Variants in SLC22A16 observed in about 807,000 individuals in gnomAD.
SLC22A16 encodes solute carrier family 22 member 16.
Under a neutral mutation model 52.9 loss-of-function variants are expected in SLC22A16, and 53 were observed. The observed-to-expected ratio is 1.00, with a 90% CI of 0.80 to 1.26. The LOEUF (loss-of-function observed/expected upper bound fraction) is 1.26. SLC22A16 is among the 50% of genes most tolerant of loss of function. The probability of loss-of-function intolerance (pLI) is 0.00; values close to 1 mark genes in which losing one functional copy is unlikely to be tolerated. For synonymous variants in SLC22A16, 291 were observed against 268.8 expected, an observed-to-expected ratio of 1.08 and a Z score of -0.81; for missense variants, 726 against 704.0, an observed-to-expected ratio of 1.03 and a Z score of -0.35.
At chr6:110,446,457 A>T (rs1775174392) in intron 3 of SLC22A16, among the ~76,000 whole-genome samples, 2 of 152,122 alleles carry the variant, frequency 1.3e-5, no homozygotes, top group Admixed American at 1.3e-4. Flanking sequence ...TTTCCACTAA[A>T]CTGCCGTTCC....
At chr6:110,434,172 A>G (rs903011376) in intron 6 of SLC22A16, among the ~76,000 whole-genome samples, 2 of 152,070 alleles carry the variant, frequency 1.3e-5, no homozygotes, top group African/African-American at 4.8e-5. Flanking sequence ...CCTGGGAGGT[A>G]AGGTTGCAGT....
intron 4 of SLC22A16, among the ~76,000 whole-genome samples, chr6:110,441,490 G>A (rs778181299): frequency 6.6e-6 from 1 of 152,206 alleles, no homozygotes; most frequent in Admixed American, 6.5e-5. Context: ...GTTACCAAGG[G>A]GGGCCATGGT....
intron 1 of SLC22A16, among the ~76,000 whole-genome samples, chr6:110,461,418 G>A (rs1331428553): frequency 2.0e-5 from 3 of 152,164 alleles, no homozygotes; most frequent in Admixed American, 6.5e-5. Context: ...GCCCCCTGCT[G>A]GCCCCTACCC....
At chr6:110,463,983 C>T (rs1582584082) in intron 1 of SLC22A16, among the ~76,000 whole-genome samples, 1 of 149,736 alleles carries the variant, frequency 6.7e-6, no homozygotes, top group Admixed American at 6.6e-5. Context: ...GAAATCAATA[C>T]CAAGAGAAAC....
intron 7 of SLC22A16, among the ~76,000 whole-genome samples, chr6:110,425,771 C>T (rs1774236052): frequency 6.6e-6 from 1 of 152,232 alleles, no homozygotes; most frequent in Non-Finnish European, 1.5e-5. Flanking sequence ...ATGCAGGTCA[C>T]ATTAAAAATT....
intron 1 of SLC22A16, among the ~76,000 whole-genome samples, chr6:110,458,229 T>C (rs1167479028): frequency 1.3e-5 from 2 of 152,164 alleles, no homozygotes; most frequent in African/African-American, 2.4e-5. Context: ...CACGTGACCT[T>C]ACCTATCATT....
At chr6:110,471,833 T>G (rs749813540) in intron 1 of SLC22A16, among the ~76,000 whole-genome samples, 2 of 152,170 alleles carry the variant, frequency 1.3e-5, no homozygotes, top group Non-Finnish European at 1.5e-5. Context: ...ATATATCAAT[T>G]TAAAAGTTTT....
intron 3 of SLC22A16, among the ~76,000 whole-genome samples, 172 bp from the exon 4 acceptor site, chr6:110,442,947 A>G (rs1775035099): frequency 6.6e-6 from 1 of 152,116 alleles, no homozygotes. Flanking sequence ...TTTTTTTCTT[A>G]TAGGTCCTTT....
At position 110,476,587 on chromosome 6, in the gene SLC22A16, C is replaced by T. The variant is rs1474558255; in HGVS notation, c.-13G>A. ...GGCGGGACCCCATGGTGCGGCCGTG[C>T]ACTGGGCGCCGAGTTAGCCGAGCTC... On this transcript the variant is annotated 5_prime_UTR_variant, in exon 1 of 8. Coordinates refer to ENST00000368919, the MANE Select transcript of SLC22A16 (RefSeq NM_033125.4). The T allele has an allele frequency of 6.5e-7, 1 of 1,526,846 alleles. No homozygotes were observed. The highest frequency in any genetic ancestry group is 1.4e-5 in the African/African-American group (1 of 69,650). 94.6% of individuals were successfully genotyped at this position (1,526,846 alleles called of 1,614,324 possible).
chr6:110,450,105 G>A (rs1775317159), intron 2 of SLC22A16, among the ~76,000 whole-genome samples: 1 of 151,992 alleles, frequency 6.6e-6, no homozygotes, highest in African/African-American at 2.4e-5. Flanking sequence ...TGGGGATGCT[G>A]GCCTGGGCTC....
At chr6:110,430,309 T>C (rs1213069642) in intron 7 of SLC22A16, among the ~76,000 whole-genome samples, 2 of 151,952 alleles carry the variant, frequency 1.3e-5, no homozygotes, top group Non-Finnish European at 2.9e-5. Flanking sequence ...CAGTTCTACT[T>C]GGGAGACATT....
intron 2 of SLC22A16, among the ~76,000 whole-genome samples, chr6:110,450,192 G>C (rs912182665): frequency 3.4e-5 from 4 of 117,862 alleles, no homozygotes; most frequent in African/African-American, 9.4e-5. Flanking sequence ...AAAAAAGGAG[G>C]GGGGGGCACA....
rs1775008394 is a variant in SLC22A16 at position 110,442,483 on chromosome 6, T to C, written c.944A>G (p.Asn315Ser). The change falls in exon 4 of 8, where the codon AAC becomes AGC. Residue 315 changes from asparagine (N) to serine (S), a missense_variant. Transcript: ENST00000368919. The stretch of plus-strand genomic sequence containing the variant: ...TGACAGTTTACAGGAGCTTGCCCTG[T>C]TCCACTTGGCCATGATGTCAACTAT... ...QKIVDIMAKW[N>S]RASSCKLSEL... The C allele has an allele frequency of 6.2e-7, 1 of 1,614,240 alleles. No homozygotes were observed. The highest frequency in any genetic ancestry group is 1.7e-5 in the Admixed American group (1 of 60,026).
intron 6 of SLC22A16, among the ~76,000 whole-genome samples, chr6:110,434,100 C>T (rs1774618557): frequency 1.3e-5 from 2 of 151,992 alleles, no homozygotes; most frequent in Non-Finnish European, 2.9e-5. Context: ...ATTAGCCGGG[C>T]ATGGTGGTGC....
rs376226084 is a variant in SLC22A16 at position 110,435,896 on chromosome 6, G to A, written c.1377C>T (p.Gly459=). ...GCTCAGCTGTATAAAGATAAATGAGGCCAAATGCTGCCCCGATGGCAAATT... is the reference window on the plus strand; with the variant it reads ...GCTCAGCTGTATAAAGATAAATGAGACCAAATGCTGCCCCGATGGCAAATT... ...VGKFAIGAAF[G]LIYLYTAELY... is the part of the protein sequence containing the mutation. Residue 459 remains glycine, a synonymous_variant, in exon 6 of 8, where the codon GGC becomes GGT. Coordinates refer to ENST00000368919, the MANE Select transcript of SLC22A16 (RefSeq NM_033125.4). The A allele has an allele frequency of 1.2e-6, 2 of 1,613,872 alleles. No individual in the cohort carries two copies. The highest frequency in any genetic ancestry group is 1.7e-5 in the Admixed American group (1 of 60,012).
At chr6:110,460,720 C>A (rs1382577583) in intron 1 of SLC22A16, among the ~76,000 whole-genome samples, 1 of 152,174 alleles carries the variant, frequency 6.6e-6, no homozygotes, top group African/African-American at 2.4e-5. Context: ...CCTGCCCAAG[C>A]AACCTCAGCC....
chr6:110,452,219 T>G (rs1178788673), intron 2 of SLC22A16, among the ~76,000 whole-genome samples: 1 of 152,230 alleles, frequency 6.6e-6, no homozygotes, highest in Non-Finnish European at 1.5e-5. Context: ...ACCATTTATA[T>G]TTCATATTTT....
At chr6:110,435,534 G>A (rs1429226420) in intron 6 of SLC22A16, among the ~76,000 whole-genome samples, 2 of 152,090 alleles carry the variant, frequency 1.3e-5, no homozygotes, top group Admixed American at 6.5e-5. Context: ...TAACACAATT[G>A]GCATCAGAAC....
At chr6:110,431,107 G>T in intron 7 of SLC22A16, 64 bp downstream of exon 7, 1 of 1,296,880 alleles carries the variant, frequency 7.7e-7, no homozygotes, top group Non-Finnish European at 1.1e-6. Context: ...TAGAGAAGTT[G>T]CTAATAGGCA....
Sources: allele counts gnomAD v4.1 joint callset (sites outside exome capture counted in the v4.1 genomes callset), GRCh38; gene constraint gnomAD v4.1.1; transcripts MANE v1.5; gene names NCBI Gene and HGNC (gene_info 2026-07-23, HGNC 2026-07-21).